NCKAP5: variants seen among roughly 807,000 people sequenced by gnomAD.
NCKAP5 encodes the protein NCK associated protein 5, also known as nck-associated protein 5.
Under a neutral mutation model 167.0 loss-of-function variants are expected in NCKAP5, and 92 were observed. The observed-to-expected ratio is 0.55, with a 90% confidence interval of 0.47 to 0.66. NCKAP5 has a LOEUF of 0.66. Among genes scored for constraint, NCKAP5 ranks in the 30% least tolerant of loss-of-function variants. The pLI is 0.00. For missense variants in NCKAP5, 2,378 were observed against 2,315.0 expected (o/e 1.03, Z -0.56); for synonymous variants, 891 against 877.4 (o/e 1.02, Z -0.27).
chr2:133,571,439 C>T (rs1348238718), upstream of NCKAP5, among the ~76,000 whole-genome samples: 4 of 152,256 alleles, frequency 2.6e-5, no homozygotes, highest in Middle Eastern at 3.4e-3. Flanking sequence ...CAAAACTCCC[C>T]CCACCTGCTG....
chr2:132,700,032 T>C (rs1460518215), intron 19 of NCKAP5, among the ~76,000 whole-genome samples: 1 of 152,218 alleles, frequency 6.6e-6, no homozygotes, highest in African/African-American at 2.4e-5. Flanking sequence ...CTAACTGGTG[T>C]GAGATGGTAT....
chr2:132,722,121 G>T (rs948368337), intron 19 of NCKAP5, among the ~76,000 whole-genome samples: 1 of 152,178 alleles, frequency 6.6e-6, no homozygotes, highest in Non-Finnish European at 1.5e-5. Context: ...ACAACCTAAT[G>T]CGGATTCTTG....
chr2:132,829,716 T>C (rs1424969287), intron 11 of NCKAP5, among the ~76,000 whole-genome samples: 2 of 152,172 alleles, frequency 1.3e-5, no homozygotes, highest in East Asian at 1.9e-4. Flanking sequence ...TACACCCAGA[T>C]GTTCTGAATC....
intron 16 of NCKAP5, 72 bp from the exon 17 acceptor site, chr2:132,732,123 T>C (rs1691081964): frequency 7.1e-7 from 1 of 1,403,580 alleles, no homozygotes; most frequent in South Asian, 1.4e-5. Context: ...TCATGGAAAT[T>C]GGGGTATGAT....
intron 9 of NCKAP5, among the ~76,000 whole-genome samples, chr2:132,875,508 C>A (rs549796966): frequency 6.6e-6 from 1 of 152,130 alleles, no homozygotes; most frequent in Non-Finnish European, 1.5e-5. Flanking sequence ...CTGGGAGTGC[C>A]GTGAACTCAG....
chr2:133,555,083 T>A (rs1027422147), intron 2 of NCKAP5, among the ~76,000 whole-genome samples: 2 of 152,200 alleles, frequency 1.3e-5, no homozygotes, highest in African/African-American at 2.4e-5. Context: ...TGATCAAACA[T>A]CTCTGCTTTG....
intron 2 of NCKAP5, among the ~76,000 whole-genome samples, chr2:133,547,929 T>G (rs201837738): frequency 0.016 from 2,351 of 146,330 alleles, 78 homozygotes; most frequent in East Asian, 0.16. Flanking sequence ...CAAATTACTC[T>G]GAGCTACGGG....
At chr2:133,615,234 G>A in the NCKAP5 span, among the ~76,000 whole-genome samples, 13 of 152,172 alleles carry the variant, frequency 8.5e-5, no homozygotes, top group African/African-American at 2.9e-4. Context: ...GGAAGAAACT[G>A]CATCAACTAA....
chr2:133,551,030 C>T (rs1367068363), intron 2 of NCKAP5, among the ~76,000 whole-genome samples: 1 of 151,928 alleles, frequency 6.6e-6, no homozygotes, highest in African/African-American at 2.4e-5. Context: ...AGGAATCCAA[C>T]TTACAAGGGA....
chr2:133,548,692 A>G (rs957012074), intron 2 of NCKAP5, among the ~76,000 whole-genome samples: 35 of 152,220 alleles, frequency 2.3e-4, no homozygotes, highest in Non-Finnish European at 2.5e-4. Flanking sequence ...AGATTTTGTC[A>G]CCACTAGGCC....
intron 6 of NCKAP5, among the ~76,000 whole-genome samples, chr2:133,017,080 A>G (rs1210216367): frequency 1.3e-5 from 2 of 152,232 alleles, no homozygotes; most frequent in Middle Eastern, 3.2e-3. Flanking sequence ...TTATATGATC[A>G]TTTCCTGACA....
At chr2:133,564,991 G>A (rs1479363396) in intron 1 of NCKAP5, among the ~76,000 whole-genome samples, 1 of 152,220 alleles carries the variant, frequency 6.6e-6, no homozygotes, top group Non-Finnish European at 1.5e-5. Flanking sequence ...GAAGCACAGT[G>A]AACCAATGCG....
intron 6 of NCKAP5, among the ~76,000 whole-genome samples, chr2:133,103,145 A>G (rs2081573898): frequency 6.6e-6 from 1 of 151,194 alleles, no homozygotes; most frequent in South Asian, 2.1e-4. Context: ...TTTGTTGGTT[A>G]TTATGTTTTC....
the NCKAP5 span, among the ~76,000 whole-genome samples, chr2:133,606,801 A>C: frequency 6.6e-5 from 10 of 152,126 alleles, no homozygotes; most frequent in Non-Finnish European, 1.3e-4. Flanking sequence ...CTGAAACCAC[A>C]AGTGTGAATC....
chr2:132,874,773 T>G (rs1691136193), intron 9 of NCKAP5, among the ~76,000 whole-genome samples: 1 of 152,192 alleles, frequency 6.6e-6, no homozygotes, highest in Non-Finnish European at 1.5e-5. Flanking sequence ...CAATTTCCTG[T>G]CCCTGCATAC....
At chr2:133,595,884 T>C in the NCKAP5 span, among the ~76,000 whole-genome samples, 3 of 152,186 alleles carry the variant, frequency 2.0e-5, no homozygotes, top group East Asian at 1.9e-4. Flanking sequence ...TAAAATACTG[T>C]CCTTTTACAA....
chr2:132,964,307 T>C (rs1459065222), intron 7 of NCKAP5, among the ~76,000 whole-genome samples: 2 of 152,180 alleles, frequency 1.3e-5, no homozygotes, highest in Non-Finnish European at 2.9e-5. Context: ...GAATATAAAA[T>C]ATCACAAAAT....
At chr2:132,984,875 T>G (rs2320399) in intron 7 of NCKAP5, among the ~76,000 whole-genome samples, 65,946 of 148,926 alleles carry the variant, frequency 0.44, 16,290 homozygotes, top group Non-Finnish European at 0.56. Flanking sequence ...ATTTGTTTCT[T>G]AGACCAGGAA....
At chr2:132,808,590 T>C (rs1292190462) in intron 11 of NCKAP5, among the ~76,000 whole-genome samples, 1 of 152,192 alleles carries the variant, frequency 6.6e-6, no homozygotes, top group Non-Finnish European at 1.5e-5. Context: ...TGTATTTCAG[T>C]GGCGTCAGTT....
Sources: allele counts gnomAD v4.1 joint callset (sites outside exome capture counted in the v4.1 genomes callset), GRCh38; gene constraint gnomAD v4.1.1; transcripts MANE v1.5; gene names NCBI Gene and HGNC (gene_info 2026-07-23, HGNC 2026-07-21).